FAM219B: variants seen among roughly 807,000 people sequenced by gnomAD.
FAM219B encodes family with sequence similarity 219 member B.
FAM219B carries 18 observed loss-of-function variants against 19.9 expected under a neutral mutation model. The observed-to-expected ratio is 0.91, with a 90% CI of 0.63 to 1.34. The LOEUF (loss-of-function observed/expected upper bound fraction) is 1.34. Among genes scored for constraint, FAM219B ranks in the 40% most tolerant of loss-of-function variants. FAM219B has a pLI of 0.00. For synonymous variants in FAM219B, 123 were observed against 117.5 expected (o/e 1.05, Z -0.30); for missense variants, 283 against 270.5 (o/e 1.05, Z -0.32).
intron 2 of FAM219B, chr15:74,905,720 T>C (rs777505322): frequency 7.1e-5 from 13 of 182,744 alleles, no homozygotes; most frequent in Non-Finnish European, 1.4e-4. Context: ...GCCTGTATTC[T>C]ACTCCTCCCA....
chr15:74,901,525 G>C lies in FAM219B; in HGVS notation c.*1094C>G, dbSNP rs1595833000. ...AGTAAGGCCCATGCTGTGACCAGAA[G>C]AATCTGGCAATAGAATGGTCCATGC... On this transcript the variant is annotated 3_prime_UTR_variant, in exon 5 of 5. Transcript: ENST00000357635. 1 of 152,338 alleles carries C rather than the reference G, an allele frequency of 6.6e-6. No homozygotes were observed. Among genetic ancestry groups the C allele is most frequent in the South Asian group, 2.1e-4 (1 of 4,826 alleles). The allele number at this position is 152,338 out of a possible 1,614,324, so 9.4% of individuals were successfully genotyped here. A position where few individuals can be genotyped will look rare whatever the true frequency, so the allele number is the denominator to read the frequency against.
intron 2 of FAM219B, 99 bp from the exon 3 acceptor site, chr15:74,905,330 T>C: frequency 8.4e-7 from 1 of 1,186,002 alleles, no homozygotes; most frequent in Non-Finnish European, 1.2e-6. Context: ...AAGAATTGAC[T>C]GCACTACTGA....
intron 1 of FAM219B, 70 bp from the exon 2 acceptor site, chr15:74,906,435 C>T (rs1211340006): frequency 1.3e-6 from 2 of 1,552,308 alleles, no homozygotes; most frequent in African/African-American, 1.4e-5. Flanking sequence ...GCTGGGAGGC[C>T]GCTCTTTCCG....
chr15:74,904,494 C>T (rs955221999), intron 4 of FAM219B, among the ~76,000 whole-genome samples, 170 bp downstream of exon 4: 1 of 152,216 alleles, frequency 6.6e-6, no homozygotes, highest in Admixed American at 6.5e-5. Flanking sequence ...CAACAGCCCT[C>T]CTTGGTCACC....
rs552737417 is a variant in FAM219B at position 74,900,302 on chromosome 15, A to G, written c.*2317T>C. On this transcript the variant is annotated 3_prime_UTR_variant, in exon 5 of 5. Coordinates refer to ENST00000357635, the MANE Select transcript of FAM219B (RefSeq NM_020447.5). ...TTTTTCTACAAGGTAACACCCTCCT[A>G]CATGGGGTCAGCCAGCTCAGAAACC... 1.3e-3 allele frequency: 192 copies of G among 152,446 alleles called. No individual in the cohort carries two copies. Among genetic ancestry groups the G allele is most frequent in the Non-Finnish European group, 2.3e-3 (159 of 68,136 alleles). The allele number at this position is 152,446 out of a possible 1,614,324, so 9.4% of individuals were successfully genotyped here. A position where few individuals can be genotyped will look rare whatever the true frequency, so the allele number is the denominator to read the frequency against.
intron 4 of FAM219B, 114 bp downstream of exon 4, chr15:74,904,550 A>G: frequency 7.8e-7 from 1 of 1,282,576 alleles, no homozygotes; most frequent in Non-Finnish European, 1.1e-6. Context: ...ATCGTAGAAC[A>G]GACCAGAAGT....
At chr15:74,904,828 C>G (rs899524913) in intron 3 of FAM219B, 116 bp from the exon 4 acceptor site, 2 of 1,472,872 alleles carry the variant, frequency 1.4e-6, no homozygotes, top group Non-Finnish European at 1.9e-6. Context: ...AGGCCACACA[C>G]AACAGAACTC....
Position 74,906,598 on chromosome 15 carries a change from T to C in FAM219B, c.203A>G (p.Gln68Arg), listed in dbSNP as rs1335222178. The change falls in exon 1 of 5, where the codon CAA (glutamine) becomes CGA (arginine). Residue 68 changes from glutamine to arginine, a missense_variant. Gln to Arg is a conservative substitution (Grantham distance 43, BLOSUM62 1). Transcript: ENST00000357635. ...CGGGCCACACTCACGCAGCTTGGCTTGAATGGAGGGTGCGCGCGTCACCAT... is the reference window on the plus strand; with the variant it reads ...CGGGCCACACTCACGCAGCTTGGCTCGAATGGAGGGTGCGCGCGTCACCAT... ...PYMVTRAPSI[Q>R]AKLQKHRDLA... 6.6e-7 allele frequency: 1 copy of C among 1,507,656 alleles called. No homozygotes were observed. Among genetic ancestry groups the C allele is most frequent in the Non-Finnish European group, 8.8e-7 (1 of 1,130,360 alleles). 93.4% of individuals were successfully genotyped at this position (1,507,656 alleles called of 1,614,324 possible).
At chr15:74,904,622 GCCTGCAGCCTGGC>G (rs779437658) in intron 4 of FAM219B, 29 bp downstream of exon 4, 3 of 1,611,146 alleles carry the variant, frequency 1.9e-6, no homozygotes, top group South Asian at 2.2e-5. Flanking sequence ...TGGTAATGCT[GCCTGCAGCCTGGC>G]CCTGCACAGA....
At chr15:74,905,378 G>A in intron 2 of FAM219B, 147 bp from the exon 3 acceptor site, 1 of 694,802 alleles carries the variant, frequency 1.4e-6, no homozygotes, top group Non-Finnish European at 2.5e-6. Context: ...ACTGCCTGCA[G>A]CTCCATGTAC....
chr15:74,906,730 C>T lies in FAM219B; in HGVS notation c.71G>A (p.Arg24Gln). 1 of 1,364,406 alleles carries T rather than the reference C, an allele frequency of 7.3e-7. No homozygotes were observed. The highest frequency in any genetic ancestry group is 3.0e-5 in the East Asian group (1 of 33,580). The allele number at this position is 1,364,406 out of a possible 1,614,324, so 84.5% of individuals were successfully genotyped here. ...STPGPRPSGA[R>Q]DRAPGAAGPP... ...CCCCGCAGCTCCCGGCGCGCGGTCCCGAGCCCCGCTGGGCCGGGGTCCCGG... is the reference window on the plus strand; with the variant it reads ...CCCCGCAGCTCCCGGCGCGCGGTCCTGAGCCCCGCTGGGCCGGGGTCCCGG... Residue 24 changes from arginine (R) to glutamine (Q), a missense_variant, in exon 1 of 5, where the codon CGG (arginine) becomes CAG (glutamine). Coordinates refer to ENST00000357635, the MANE Select transcript of FAM219B (RefSeq NM_020447.5).
chr15:74,906,606 G>A lies in FAM219B; in HGVS notation c.195C>T (p.Pro65=). 6.6e-7 allele frequency: 1 copy of A among 1,507,540 alleles called. No homozygotes were observed. 93.4% of individuals were successfully genotyped at this position (1,507,540 alleles called of 1,614,324 possible). A position where few individuals can be genotyped will look rare whatever the true frequency, so the allele number is the denominator to read the frequency against. ...ACTCACGCAGCTTGGCTTGAATGGA[G>A]GGTGCGCGCGTCACCATGTATGGCC... ...KRGPYMVTRA[P]SIQAKLQKHR... Residue 65 remains proline, a synonymous_variant, in exon 1 of 5, where the codon CCC becomes CCT. Transcript: ENST00000357635.
chr15:74,906,055 G>A (rs2065174164), intron 2 of FAM219B: 2 of 553,510 alleles, frequency 3.6e-6, no homozygotes. Flanking sequence ...ATGAGCCTGT[G>A]CACTCACAGA....
chr15:74,901,701 G>A lies in FAM219B; in HGVS notation c.*918C>T, dbSNP rs1015257249. 1.3e-5 allele frequency: 2 copies of A among 158,224 alleles called. No homozygotes were observed. Among genetic ancestry groups the A allele is most frequent in the African/African-American group, 4.8e-5 (2 of 41,722 alleles). The allele number at this position is 158,224 out of a possible 1,614,324, so 9.8% of individuals were successfully genotyped here. A position where few individuals can be genotyped will look rare whatever the true frequency, so the allele number is the denominator to read the frequency against. On this transcript the variant is annotated 3_prime_UTR_variant, in exon 5 of 5. Coordinates refer to ENST00000357635, the MANE Select transcript of FAM219B (RefSeq NM_020447.5). Reference sequence around the variant, plus strand: ...GTATACCCACTCTCACGAGTCCATTGCTACTTCTCAAAAGTTTAAAAAGTA... The same window carrying A: ...GTATACCCACTCTCACGAGTCCATTACTACTTCTCAAAAGTTTAAAAAGTA...
chr15:74,905,257 C>T (rs745350828), intron 2 of FAM219B, 26 bp from the exon 3 acceptor site: 1 of 1,608,966 alleles, frequency 6.2e-7, no homozygotes, highest in Non-Finnish European at 8.5e-7. Context: ...GGAGAAGAGA[C>T]CAAACATAGA....
chr15:74,899,410 T>C (rs1422691665), downstream of FAM219B: 2 of 152,148 alleles, frequency 1.3e-5, no homozygotes, highest in African/African-American at 4.8e-5. Context: ...TTTCTTCAGC[T>C]AAAAAACAAT....
At chr15:74,899,380 G>A (rs766556882), downstream of FAM219B, 2 of 152,144 alleles carry the variant, frequency 1.3e-5, no homozygotes, top group Non-Finnish European at 2.9e-5. Context: ...AAAATCTCCT[G>A]GGTTTTCTTG....
rs1348167277 is a variant in FAM219B at position 74,900,354 on chromosome 15, A to G, written c.*2265T>C. ...CTTCTTCAGGGACAGTTGCAGCTGA[A>G]TATGCCAGAGCTGATTATTACAACA... is the stretch of plus-strand genomic sequence containing the variant. On this transcript the variant is annotated 3_prime_UTR_variant, in exon 5 of 5. Transcript: ENST00000357635. The G allele has an allele frequency of 6.6e-6, 1 of 152,310 alleles. No homozygotes were observed. Among genetic ancestry groups the G allele is most frequent in the Admixed American group, 6.5e-5 (1 of 15,276 alleles). The allele number at this position is 152,310 out of a possible 1,614,324, so 9.4% of individuals were successfully genotyped here.
At chr15:74,899,398 A>G (rs1032137318), downstream of FAM219B, 3 of 152,186 alleles carry the variant, frequency 2.0e-5, no homozygotes, top group South Asian at 2.1e-4. Flanking sequence ...TTGCCTCCAA[A>G]TTTTCTTCAG....
Sources: gnomAD v4.1 joint callset for allele counts (sites outside exome capture counted in the v4.1 genomes callset) on GRCh38, gnomAD v4.1.1 for gene constraint, MANE v1.5 for transcripts, NCBI Gene and HGNC (gene_info 2026-07-23, HGNC 2026-07-21) for gene names.